Variants in ZNF799 observed in about 807,000 individuals in gnomAD.
ZNF799 encodes zinc finger protein 14.
In ZNF799, 28 loss-of-function variants were observed where a neutral mutation model predicts 41.0. The observed-to-expected ratio is 0.68, with a 90% CI of 0.51 to 0.94. The LOEUF is 0.94. Ranked by LOEUF, ZNF799 falls within the 40% of genes least tolerant of loss-of-function variation. The pLI is 0.00. For missense variants in ZNF799, 716 were observed against 764.3 expected, an observed-to-expected ratio of 0.94 and a Z score of 0.74; for synonymous variants, 213 against 252.9, an observed-to-expected ratio of 0.84 and a Z score of 1.50.
In ZNF799 at chr19:12,397,937, C is replaced by A. The variant is rs545222189; in HGVS notation, c.3+3131G>T. On this transcript the variant is annotated intron_variant, in intron 1 of 3. Transcript: ENST00000430385. Reference sequence around the variant, plus strand: ...AAATATAAAGGTATGAAAAAATATACTCCATTCTAGCCCTAATCAAAAGCC... The same window carrying A: ...AAATATAAAGGTATGAAAAAATATAATCCATTCTAGCCCTAATCAAAAGCC... 1.1e-3 allele frequency among the ~76,000 whole-genome samples: 161 copies of A among 152,244 alleles called. 1 individual carries two copies. The highest frequency in any genetic ancestry group is 3.6e-3 in the African/African-American group (151 of 41,556).
the ZNF799 span, among the ~76,000 whole-genome samples, chr19:12,413,339 C>A: frequency 1.3e-5 from 2 of 152,172 alleles, no homozygotes; most frequent in Non-Finnish European, 2.9e-5. Flanking sequence ...AGGAAAGCGT[C>A]TGATTTGTAA....
the ZNF799 span, among the ~76,000 whole-genome samples, chr19:12,411,322 G>A: frequency 6.6e-6 from 1 of 152,180 alleles, no homozygotes; most frequent in African/African-American, 2.4e-5. Flanking sequence ...GTAATGAGGA[G>A]AGTATGGTAT....
chr19:12,414,813 C>T, the ZNF799 span, among the ~76,000 whole-genome samples: 1 of 152,118 alleles, frequency 6.6e-6, no homozygotes, highest in African/African-American at 2.4e-5. Context: ...CAAACAGATT[C>T]CCAAGCTTAG....
rs545259924 is a variant in ZNF799 at position 12,391,726 on chromosome 19, T to C, written c.672A>G (p.Pro224=). 213 of 1,613,960 alleles carry C rather than the reference T, an allele frequency of 1.3e-4. 2 individuals are homozygous for C. The Middle Eastern group carries it at 3.8e-3, about 29-fold the overall frequency. The change falls in exon 4 of 4, where the codon CCA becomes CCG. Residue 224 remains proline (P), a synonymous_variant. Coordinates refer to ENST00000430385, the MANE Select transcript of ZNF799 (RefSeq NM_001080821.3). ...CTTTAGAACACTGCTTACATTCATA[T>C]GGTTTCTCTCCAGTGTGCGTTCTCT... ...MHERTHTGEK[P]YECKQCSKAF... is the part of the protein sequence containing the mutation.
the ZNF799 span, among the ~76,000 whole-genome samples, chr19:12,413,712 G>A: frequency 7.2e-5 from 11 of 152,338 alleles, no homozygotes; most frequent in African/African-American, 2.6e-4. Context: ...ATTGAGGAGA[G>A]AAAGTTACCC....
At chr19:12,408,175 GAA>G in the ZNF799 span, among the ~76,000 whole-genome samples, 1 of 150,740 alleles carries the variant, frequency 6.6e-6, no homozygotes, top group South Asian at 2.1e-4. Context: ...TGTCTCAAAA[GAA>G]AAGAAAAGAA....
intron 1 of ZNF799, among the ~76,000 whole-genome samples, chr19:12,399,195 G>A (rs984043590): frequency 8.5e-5 from 13 of 152,142 alleles, no homozygotes; most frequent in African/African-American, 1.9e-4. Flanking sequence ...AACAATCAGG[G>A]TGGGTCATCC....
At chr19:12,397,447 C>T (rs1364200648) in intron 1 of ZNF799, among the ~76,000 whole-genome samples, 1 of 150,462 alleles carries the variant, frequency 6.6e-6, no homozygotes, top group Non-Finnish European at 1.5e-5. Flanking sequence ...CACCTGTAGT[C>T]CCAGCTACTC....
At chr19:12,408,393 A>C in the ZNF799 span, among the ~76,000 whole-genome samples, 1 of 152,236 alleles carries the variant, frequency 6.6e-6, no homozygotes, top group African/African-American at 2.4e-5. Context: ...TTACATATGT[A>C]CGTAGTAATC....
chr19:12,402,137 G>A (rs1454916702), upstream of ZNF799, among the ~76,000 whole-genome samples: 2 of 152,248 alleles, frequency 1.3e-5, no homozygotes, highest in African/African-American at 4.8e-5. Context: ...GGAGTGCAGT[G>A]GGGCCATCAT....
intron 1 of ZNF799, among the ~76,000 whole-genome samples, chr19:12,397,429 G>C (rs1312408908): frequency 6.6e-6 from 1 of 151,552 alleles, no homozygotes; most frequent in Non-Finnish European, 1.5e-5. Context: ...GCCAGGCGTG[G>C]TGGCCTGCAC....
rs781354071 is a variant in ZNF799, at chr19:12,391,219, G to C, written c.1179C>G (p.His393Gln). The change falls in exon 4 of 4, where the codon CAC becomes CAG. Residue 393 changes from histidine (H) to glutamine (Q), a missense_variant. Physicochemically the swap from His to Gln is conservative, Grantham distance 24. This residue lies in a region of ZNF799 where 698 missense variants were observed against 713.6 expected (regional missense o/e 0.98). Coordinates refer to ENST00000430385, the MANE Select transcript of ZNF799 (RefSeq NM_001080821.3). ...HMTMHTGDGP[H>Q]KCKICGKAFV... ...AGGCTTTCCCACATATCTTGCATTT[G>C]TGAGGTCCATCTCCAGTGTGCATTG... 6.2e-7 allele frequency: 1 copy of C among 1,613,960 alleles called. No homozygotes were observed. Among genetic ancestry groups the C allele is most frequent in the Admixed American group, 1.7e-5 (1 of 59,990 alleles).
chr19:12,401,287 G>A (rs1447046747), upstream of ZNF799: 12 of 1,341,470 alleles, frequency 8.9e-6, no homozygotes, highest in Non-Finnish European at 5.9e-6. Context: ...CCACGAACCC[G>A]CCCCACGGCC....
chr19:12,411,512 G>C, the ZNF799 span, among the ~76,000 whole-genome samples: 1 of 152,058 alleles, frequency 6.6e-6, no homozygotes, highest in Non-Finnish European at 1.5e-5. Flanking sequence ...TCAATTTTCT[G>C]CTCATCATCT....
intron 1 of ZNF799, chr19:12,394,752 A>C (rs1568502871): frequency 3.0e-6 from 3 of 985,124 alleles, no homozygotes; most frequent in Non-Finnish European, 3.6e-6. Context: ...AAACTAAAAC[A>C]AATCTTTTAG....
At chr19:12,392,341 T>C (rs1969838314) in intron 3 of ZNF799, 135 bp from the exon 4 acceptor site, 3 of 1,346,824 alleles carry the variant, frequency 2.2e-6, no homozygotes, top group African/African-American at 1.5e-5. Context: ...CGTGAATGGA[T>C]GGAATGCTGT....
chr19:12,410,297 A>C, the ZNF799 span, among the ~76,000 whole-genome samples: 6 of 123,186 alleles, frequency 4.9e-5, no homozygotes, highest in Admixed American at 2.6e-4. Flanking sequence ...ATATATATAT[A>C]TCTTAGCCAA....
the ZNF799 span, among the ~76,000 whole-genome samples, chr19:12,408,175 G>C: frequency 1.3e-5 from 2 of 150,740 alleles, no homozygotes; most frequent in African/African-American, 4.9e-5. Flanking sequence ...TGTCTCAAAA[G>C]AAAAGAAAAG....
Position 12,390,837 on chromosome 19 carries a change from C to T in ZNF799, c.1561G>A (p.Val521Ile), listed in dbSNP as rs1276038784. The change falls in exon 4 of 4, where the codon GTA (valine) becomes ATA (isoleucine). Residue 521 changes from valine to isoleucine, a missense_variant. Val to Ile is a conservative substitution (Grantham distance 29). Transcript: ENST00000430385. ...TCTCCAGAGTGAATTCTTTCATGTA[C>T]TTTTAAGTTACCAAAATGACTGAAG... ...KAFSHFGNLK[V>I]HERIHSGEKP... 2 of 1,613,996 alleles carry T rather than the reference C, an allele frequency of 1.2e-6. No homozygotes were observed.
Sources: allele counts gnomAD v4.1 joint callset (sites outside exome capture counted in the v4.1 genomes callset), GRCh38; gene constraint gnomAD v4.1.1; regional missense constraint gnomAD v4.1.1; transcripts MANE v1.5; gene names NCBI Gene and HGNC (gene_info 2026-07-23, HGNC 2026-07-21).